TANC2: variants seen among roughly 807,000 people sequenced by gnomAD.
TANC2 encodes the protein tetratricopeptide repeat, ankyrin repeat and coiled-coil containing 2.
A neutral mutation model predicts 210.5 loss-of-function variants in TANC2; 26 were observed. The ratio of observed to expected loss-of-function variants is 0.12; its 90% CI spans 0.09 to 0.17. TANC2 has a LOEUF of 0.17. Among genes scored for constraint, TANC2 ranks in the 10% least tolerant of loss-of-function variants. The pLI is 1.00. For synonymous variants in TANC2, 931 were observed against 967.1 expected, an observed-to-expected ratio of 0.96 and a Z score of 0.69; for missense variants, 2,129 against 2,608.9, an observed-to-expected ratio of 0.82 and a Z score of 4.01.
intron 8 of TANC2, among the ~76,000 whole-genome samples, chr17:63,244,781 C>T (rs983283858): frequency 5.9e-5 from 9 of 152,140 alleles, no homozygotes; most frequent in Admixed American, 1.3e-4. Flanking sequence ...CCCACAATTC[C>T]CAAGTGTTGT....
intron 4 of TANC2, among the ~76,000 whole-genome samples, chr17:63,129,796 TAAG>T (rs1162714766): frequency 1.3e-5 from 2 of 152,106 alleles, no homozygotes; most frequent in African/African-American, 4.8e-5. Flanking sequence ...AGTTATAAAA[TAAG>T]AAATTGTGTG....
intron 15 of TANC2, among the ~76,000 whole-genome samples, chr17:63,387,337 T>A (rs2047817718): frequency 6.6e-6 from 1 of 152,138 alleles, no homozygotes; most frequent in African/African-American, 2.4e-5. Context: ...CTACAGGAAG[T>A]TTTTTCCTAA....
At chr17:63,124,428 A>G (rs2038623091) in intron 4 of TANC2, among the ~76,000 whole-genome samples, 1 of 152,166 alleles carries the variant, frequency 6.6e-6, no homozygotes. Flanking sequence ...TTTTCTTGAC[A>G]TATGATTCTG....
At chr17:62,984,119 T>C (rs2032446740) in intron 1 of TANC2, among the ~76,000 whole-genome samples, 1 of 152,126 alleles carries the variant, frequency 6.6e-6, no homozygotes, top group Non-Finnish European at 1.5e-5. Flanking sequence ...GCTGGGAGAC[T>C]TTTTACTGAT....
At chr17:63,221,604 G>A (rs1227989549) in intron 7 of TANC2, among the ~76,000 whole-genome samples, 2 of 152,074 alleles carry the variant, frequency 1.3e-5, no homozygotes, top group Admixed American at 6.6e-5. Context: ...AAATGAGCAA[G>A]CGATTTGAAC....
exon 28 of TANC2, chr17:63,424,375 C>A (rs2049096056): frequency 6.6e-6 from 1 of 152,158 alleles, no homozygotes; most frequent in Non-Finnish European, 1.5e-5. Context: ...TAGAATATGC[C>A]AACCAGAGCT....
At chr17:63,165,272 A>G (rs1001601469) in intron 5 of TANC2, among the ~76,000 whole-genome samples, 1 of 126,602 alleles carries the variant, frequency 7.9e-6, no homozygotes, top group Non-Finnish European at 1.9e-5. Flanking sequence ...GTGAGACCCT[A>G]TTTAAAAAAA....
At chr17:63,232,211 C>T (rs1007291783) in intron 7 of TANC2, among the ~76,000 whole-genome samples, 4 of 152,188 alleles carry the variant, frequency 2.6e-5, no homozygotes, top group Admixed American at 2.0e-4. Context: ...CATGCTCCTT[C>T]AGCTCTGTGA....
At chr17:63,208,587 A>G (rs2041792891) in intron 7 of TANC2, among the ~76,000 whole-genome samples, 1 of 152,218 alleles carries the variant, frequency 6.6e-6, no homozygotes, top group African/African-American at 2.4e-5. Context: ...TTGCATTGAA[A>G]CCATAGATCA....
intron 5 of TANC2, among the ~76,000 whole-genome samples, chr17:63,186,147 G>C (rs2040975362): frequency 6.6e-6 from 1 of 152,076 alleles, no homozygotes; most frequent in Non-Finnish European, 1.5e-5. Context: ...ACCAATACTT[G>C]AAAACACTCT....
chr17:63,297,178 A>G (rs1189162813), intron 9 of TANC2, among the ~76,000 whole-genome samples: 1 of 152,184 alleles, frequency 6.6e-6, no homozygotes, highest in African/African-American at 2.4e-5. Context: ...ATCCCTAGCA[A>G]AATTCCAACA....
In TANC2 at chr17:63,252,131, A is replaced by G. The variant is rs1334145922; in HGVS notation, c.1033+14054A>G. The stretch of plus-strand genomic sequence containing the variant: ...ATTACATGACTATTATTTAATTGGA[A>G]TATGTACTCCACAGTATAAGATCTC... On this transcript the variant is annotated intron_variant, in intron 8 of 27. Coordinates refer to ENST00000689528, the Ensembl canonical transcript of TANC2. Among the ~76,000 whole-genome samples, 7 of 152,178 alleles carry G rather than the reference A, an allele frequency of 4.6e-5. No individual in the cohort carries two copies. In the East Asian group the frequency reaches 1.3e-3, roughly 29 times the overall value.
chr17:63,361,648 C>A (rs1393979560), intron 14 of TANC2, among the ~76,000 whole-genome samples: 3 of 152,230 alleles, frequency 2.0e-5, no homozygotes, highest in Non-Finnish European at 4.4e-5. Flanking sequence ...TAGGTCTGGG[C>A]TCCTCAAAGA....
intron 5 of TANC2, among the ~76,000 whole-genome samples, chr17:63,176,580 C>T (rs545385930): frequency 3.3e-4 from 50 of 152,042 alleles, no homozygotes; most frequent in African/African-American, 9.2e-4. Context: ...CTGAGGCGGA[C>T]GGATCACAAG....
At chr17:63,084,903 AC>A (rs1293745957) in intron 3 of TANC2, among the ~76,000 whole-genome samples, 1 of 152,104 alleles carries the variant, frequency 6.6e-6, no homozygotes, top group Non-Finnish European at 1.5e-5. Context: ...GAATGTGTTC[AC>A]TTGTAATGAA....
chr17:63,305,343 G>T (rs557751145), intron 9 of TANC2: 8 of 149,522 alleles, frequency 5.4e-5, no homozygotes, highest in African/African-American at 2.0e-4. Flanking sequence ...TGGCTCTCAG[G>T]TGGGCCGCCT....
chr17:63,223,948 T>A (rs1215814273), intron 7 of TANC2, among the ~76,000 whole-genome samples: 1 of 152,084 alleles, frequency 6.6e-6, no homozygotes, highest in Non-Finnish European at 1.5e-5. Flanking sequence ...TAGCCACAAT[T>A]TTCTTTGGGT....
chr17:62,980,941 C>T (rs1231987567), intron 1 of TANC2, among the ~76,000 whole-genome samples: 1 of 152,192 alleles, frequency 6.6e-6, no homozygotes, highest in Non-Finnish European at 1.5e-5. Flanking sequence ...AGTCTACTTT[C>T]AACCCTCTTG....
At chr17:63,048,432 G>C (rs1357001645) in intron 2 of TANC2, among the ~76,000 whole-genome samples, 1 of 152,020 alleles carries the variant, frequency 6.6e-6, no homozygotes, top group Non-Finnish European at 1.5e-5. Context: ...TGCTAAGTAG[G>C]GTAGTTATAC....
Sources: gnomAD v4.1 joint callset for allele counts (sites outside exome capture counted in the v4.1 genomes callset) on GRCh38, gnomAD v4.1.1 for gene constraint, MANE v1.5 for transcripts, NCBI Gene and HGNC (gene_info 2026-07-23, HGNC 2026-07-21) for gene names.